Variants in ALKBH3 observed in about 807,000 individuals in gnomAD.
The protein encoded by ALKBH3 is alkB homolog 3, alpha-ketoglutarate dependent dioxygenase, also known as alpha-ketoglutarate-dependent dioxygenase alkB homolog 3.
In ALKBH3, 51 loss-of-function variants were observed where a neutral mutation model predicts 43.9. The observed-to-expected ratio is 1.16, with a 90% CI of 0.93 to 1.47. The LOEUF is 1.47. Among genes scored for constraint, ALKBH3 ranks in the 40% most tolerant of loss-of-function variants. The pLI is 0.00. For missense variants in ALKBH3, 361 were observed against 351.9 expected (o/e 1.03, Z -0.21); for synonymous variants, 102 against 115.2 (o/e 0.89, Z 0.73).
intron 6 of ALKBH3, 40 bp downstream of exon 6, chr11:43,889,868 C>A: frequency 6.6e-7 from 1 of 1,515,174 alleles, no homozygotes; most frequent in South Asian, 1.1e-5. Flanking sequence ...GCTGCGTGTT[C>A]TCCCTCTCTG....
At chr11:43,906,537 C>T (rs1951897176) in intron 8 of ALKBH3, among the ~76,000 whole-genome samples, 1 of 152,224 alleles carries the variant, frequency 6.6e-6, no homozygotes, top group African/African-American at 2.4e-5. Context: ...ATTATAGCAC[C>T]TACTCTAAGA....
intron 8 of ALKBH3, among the ~76,000 whole-genome samples, chr11:43,911,098 T>C (rs1951934992): frequency 6.6e-6 from 1 of 152,222 alleles, no homozygotes; most frequent in Non-Finnish European, 1.5e-5. Flanking sequence ...TCTGAATTTT[T>C]ATTTTAGAAG....
chr11:43,899,584 T>C (rs1466761718), intron 7 of ALKBH3: 2 of 600,746 alleles, frequency 3.3e-6, no homozygotes, highest in Non-Finnish European at 6.2e-6. Flanking sequence ...CTGCACCTAG[T>C]GTGCAGAGGA....
intron 8 of ALKBH3, among the ~76,000 whole-genome samples, chr11:43,902,130 G>A (rs1417038960): frequency 6.6e-6 from 1 of 152,164 alleles, no homozygotes; most frequent in African/African-American, 2.4e-5. Flanking sequence ...TAAGGAGGAC[G>A]TCCCTGAAGA....
At chr11:43,881,894 C>T (rs1951713748) in intron 1 of ALKBH3, among the ~76,000 whole-genome samples, 1 of 152,182 alleles carries the variant, frequency 6.6e-6, no homozygotes, top group Non-Finnish European at 1.5e-5. Context: ...TTGCTGTAGG[C>T]TAAGCTTTTA....
At position 43,889,765 on chromosome 11, in the gene ALKBH3, G is replaced by A. The variant is rs774464321; in HGVS notation, c.307G>A (p.Asp103Asn). 7 of 1,613,966 alleles carry A rather than the reference G, an allele frequency of 4.3e-6. No individual in the cohort carries two copies. The highest frequency in any genetic ancestry group is 1.3e-5 in the African/African-American group (1 of 74,910). ...YPGFVDVKEA[D>N]WILEQLCQDV... Reference sequence around the variant, plus strand: ...TGGCTTTGTTGACGTGAAAGAAGCTGACTGGATATTGGAACAGCTTTGTCA... The same window carrying A: ...TGGCTTTGTTGACGTGAAAGAAGCTAACTGGATATTGGAACAGCTTTGTCA... The change falls in exon 6 of 10, where the codon GAC (aspartate) becomes AAC (asparagine). Residue 103 changes from aspartate (D) to asparagine (N), a missense_variant. Coordinates refer to ENST00000302708, the MANE Select transcript of ALKBH3 (RefSeq NM_139178.4).
rs36052912 is a variant in ALKBH3, at chr11:43,889,213, C to T, written c.267-512C>T. Among the ~76,000 whole-genome samples the T allele has an allele frequency of 9.3e-3, 1,414 of 152,182 alleles. 13 individuals carry two copies. Among genetic ancestry groups the T allele is most frequent in the Middle Eastern group, 0.017 (5 of 292 alleles). On this transcript the variant is annotated intron_variant, in intron 5 of 9. Coordinates refer to ENST00000302708, the MANE Select transcript of ALKBH3 (RefSeq NM_139178.4). ...CAGCTGATTTTGTATTTTTGGTAGACGGGGTTTCACCATGTTGGTCAGGCT... is the reference window on the plus strand; with the variant it reads ...CAGCTGATTTTGTATTTTTGGTAGATGGGGTTTCACCATGTTGGTCAGGCT...
chr11:43,886,120 A>G lies in ALKBH3; in HGVS notation c.219-486A>G, dbSNP rs188392735. Among the ~76,000 whole-genome samples, 686 of 152,298 alleles carry G rather than the reference A, an allele frequency of 4.5e-3. 8 individuals carry two copies. Among genetic ancestry groups the G allele is most frequent in the Non-Finnish European group, 2.1e-3 (142 of 68,026 alleles). On this transcript the variant is annotated intron_variant, in intron 4 of 9. Transcript: ENST00000302708. Reference sequence around the variant, plus strand: ...GGGAGCTGTCAGAAGATAGAGCTACATTATGAGGACCTTGAATGCAGTTTT... The same window carrying G: ...GGGAGCTGTCAGAAGATAGAGCTACGTTATGAGGACCTTGAATGCAGTTTT...
chr11:43,890,438 A>G (rs1273301856), intron 6 of ALKBH3, among the ~76,000 whole-genome samples: 2 of 151,938 alleles, frequency 1.3e-5, no homozygotes, highest in Non-Finnish European at 2.9e-5. Context: ...CTAGCATCGA[A>G]TTTTTTTCTG....
intron 8 of ALKBH3, among the ~76,000 whole-genome samples, chr11:43,913,100 AGTT>A (rs1951953550): frequency 6.7e-6 from 1 of 150,236 alleles, no homozygotes; most frequent in African/African-American, 2.5e-5. Flanking sequence ...AATAATTTCC[AGTT>A]GTTAAAAAAA....
intron 4 of ALKBH3, among the ~76,000 whole-genome samples, chr11:43,885,146 T>C (rs2460117): frequency 0.84 from 127,298 of 152,172 alleles, 54,118 homozygotes; most frequent in East Asian, 0.98. Context: ...GCTACAGATG[T>C]GACATTCGGC....
rs776952533 is a variant in ALKBH3 at position 43,882,625 on chromosome 11, G to A, written c.-28G>A. On this transcript the variant is annotated 5_prime_UTR_variant, in exon 2 of 10. Coordinates refer to ENST00000302708, the MANE Select transcript of ALKBH3 (RefSeq NM_139178.4). ...GAAACAGGAACAAAATCTTCTGAAA[G>A]CTCGGAGCAGAAGCCTTTTTGGTCA... 2 of 1,598,882 alleles carry A rather than the reference G, an allele frequency of 1.3e-6. No individual in the cohort carries two copies. The highest frequency in any genetic ancestry group is 3.4e-4 in the Middle Eastern group (2 of 5,970).
chr11:43,891,892 C>A, intron 6 of ALKBH3, 149 bp from the exon 7 acceptor site: 2 of 629,446 alleles, frequency 3.2e-6, no homozygotes, highest in South Asian at 4.0e-5. Flanking sequence ...AGTCCCATAT[C>A]TTCTGTGAAG....
At chr11:43,898,087 G>C in intron 7 of ALKBH3, 1 of 1,029,108 alleles carries the variant, frequency 9.7e-7, no homozygotes, top group South Asian at 1.3e-5. Flanking sequence ...GCTGAGTGGC[G>C]ATGCCCTCAG....
intron 7 of ALKBH3, among the ~76,000 whole-genome samples, chr11:43,899,969 A>G (rs1462381291): frequency 2.6e-5 from 4 of 151,996 alleles, no homozygotes; most frequent in Admixed American, 1.3e-4. Flanking sequence ...TAAACTACAT[A>G]CCTATGTGAA....
In ALKBH3 at chr11:43,913,715, G is replaced by T. The variant is rs1951959708; in HGVS notation, c.670-5323G>T. On this transcript the variant is annotated intron_variant, in intron 8 of 9. Transcript: ENST00000302708. The stretch of plus-strand genomic sequence containing the variant: ...GCAAGAAGCACATCAGATGACAACG[G>T]TCTTAGACGCTTACAAGTCTGCTAA... Among the ~76,000 whole-genome samples the T allele has an allele frequency of 3.3e-5, 5 of 152,180 alleles. No individual in the cohort carries two copies. In the South Asian group the frequency reaches 1.0e-3, roughly 32 times the overall value.
chr11:43,919,371 G>A (rs1275781256), intron 9 of ALKBH3, among the ~76,000 whole-genome samples: 1 of 152,224 alleles, frequency 6.6e-6, no homozygotes, highest in African/African-American at 2.4e-5. Context: ...GCTGCCTATT[G>A]TAGTAGTCAC....
At chr11:43,892,010 C>T (rs1458848458) in intron 6 of ALKBH3, 31 bp from the exon 7 acceptor site, 6 of 1,547,838 alleles carry the variant, frequency 3.9e-6, no homozygotes, top group Middle Eastern at 1.7e-4. Flanking sequence ...TAGCATTAAA[C>T]CATTTCAAAG....
At chr11:43,898,671 G>A in intron 7 of ALKBH3, 1 of 719,820 alleles carries the variant, frequency 1.4e-6, no homozygotes, top group Non-Finnish European at 2.6e-6. Flanking sequence ...TCAAAGTGCT[G>A]CGGTGGATCA....
Sources: allele counts gnomAD v4.1 joint callset (sites outside exome capture counted in the v4.1 genomes callset), GRCh38; gene constraint gnomAD v4.1.1; transcripts MANE v1.5; gene names NCBI Gene and HGNC (gene_info 2026-07-23, HGNC 2026-07-21).